Variants in SRGAP2 observed in about 807,000 individuals in gnomAD.
SRGAP2 encodes SLIT-ROBO Rho GTPase-activating protein 2.
A neutral mutation model predicts 57.2 loss-of-function variants in SRGAP2; 15 were observed. The observed-to-expected ratio is 0.26, with a 90% CI of 0.18 to 0.40. The LOEUF (loss-of-function observed/expected upper bound fraction) is 0.40, where lower values mean the gene tolerates loss of function less well. Ranked by LOEUF, SRGAP2 falls within the 10% of genes least tolerant of loss-of-function variation. The pLI is 1.00. For synonymous variants in SRGAP2, 249 were observed against 248.0 expected (o/e 1.00, Z -0.04); for missense variants, 520 against 669.6 (o/e 0.78, Z 2.47).
At chr1:206,453,402 T>G (rs1553376938) in intron 20 of SRGAP2, 22 bp downstream of exon 20, 1 of 603,002 alleles carries the variant, frequency 1.7e-6, no homozygotes, top group Non-Finnish European at 3.1e-6. Flanking sequence ...CCATGGCATC[T>G]TTGGGGGTGG....
chr1:206,452,099 C>T (rs1224673549), intron 19 of SRGAP2, among the ~76,000 whole-genome samples: 1 of 152,186 alleles, frequency 6.6e-6, no homozygotes, highest in Non-Finnish European at 1.5e-5. Flanking sequence ...ACACATACCA[C>T]TTACTATGGG....
At chr1:206,326,533 G>C (rs2102855176) in intron 3 of SRGAP2, among the ~76,000 whole-genome samples, 1 of 152,246 alleles carries the variant, frequency 6.6e-6, no homozygotes, top group South Asian at 2.1e-4. Flanking sequence ...GAGATGCTAA[G>C]GGCTTTTGAA....
chr1:206,444,546 C>G (rs1553373119), intron 17 of SRGAP2, among the ~76,000 whole-genome samples: 1 of 152,218 alleles, frequency 6.6e-6, no homozygotes, highest in African/African-American at 2.4e-5. Flanking sequence ...CCTTCCTCCT[C>G]TTTGTCCCTC....
At chr1:206,441,853 G>C (rs990627972) in intron 17 of SRGAP2, among the ~76,000 whole-genome samples, 1 of 152,096 alleles carries the variant, frequency 6.6e-6, no homozygotes, top group Admixed American at 6.5e-5. Context: ...CCAATCCTGA[G>C]GCTGAATTCA....
chr1:206,371,972 G>A (rs371441386), intron 4 of SRGAP2, among the ~76,000 whole-genome samples: 1,701 of 79,872 alleles, frequency 0.021, 70 homozygotes, highest in African/African-American at 0.096. Flanking sequence ...AGAGGTGTGT[G>A]CCACCATGCC....
At chr1:206,326,659 C>T (rs552005092) in intron 3 of SRGAP2, among the ~76,000 whole-genome samples, 1 of 152,382 alleles carries the variant, frequency 6.6e-6, no homozygotes, top group South Asian at 2.1e-4. Flanking sequence ...GCCTCAGTTT[C>T]CTCACTCAGA....
intron 4 of SRGAP2, among the ~76,000 whole-genome samples, chr1:206,364,117 AT>A (rs1553341139): frequency 6.7e-6 from 1 of 148,156 alleles, no homozygotes; most frequent in Non-Finnish European, 1.5e-5. Flanking sequence ...CGGGGCCCTG[AT>A]CTAAGGCAGT....
rs1248662966 is a variant in SRGAP2 at position 206,308,122 on chromosome 1, T to G, written c.260+4649T>G. 2.3e-4 allele frequency among the ~76,000 whole-genome samples: 28 copies of G among 119,192 alleles called. No homozygotes were observed. The East Asian group carries it at 6.9e-3, about 29-fold the overall frequency. The allele number at this position is 119,192 out of a possible 152,430, so 78.2% of individuals were successfully genotyped here. A position where few individuals can be genotyped will look rare whatever the true frequency, so the allele number is the denominator to read the frequency against. ...TGATAAAGATGGTGCTTGGCAACAT[T>G]TTTTCCTCAAATAACCAGTGAGTAT... On this transcript the variant is annotated intron_variant, in intron 3 of 22. Transcript: ENST00000573034.
chr1:206,430,744 T>G (rs1365196799), intron 14 of SRGAP2, among the ~76,000 whole-genome samples: 2 of 152,246 alleles, frequency 1.3e-5, no homozygotes, highest in Admixed American at 1.3e-4. Context: ...ATCCAACTTT[T>G]GAGAATCTGC....
At chr1:206,365,956 A>T (rs1483106527) in intron 4 of SRGAP2, among the ~76,000 whole-genome samples, 1 of 152,110 alleles carries the variant, frequency 6.6e-6, no homozygotes, top group Non-Finnish European at 1.5e-5. Flanking sequence ...AAGGACAGGC[A>T]TAGTTGTGAC....
chr1:206,426,717 T>C (rs1357444515), intron 13 of SRGAP2, among the ~76,000 whole-genome samples: 2 of 152,252 alleles, frequency 1.3e-5, no homozygotes, highest in African/African-American at 4.8e-5. Flanking sequence ...TTATGATTAG[T>C]GACATTGAGC....
intron 11 of SRGAP2, among the ~76,000 whole-genome samples, chr1:206,416,464 C>A (rs1553362005): frequency 6.6e-6 from 1 of 152,194 alleles, no homozygotes; most frequent in Non-Finnish European, 1.5e-5. Context: ...CAGTTTCCTT[C>A]TGCTTTGAAA....
intron 21 of SRGAP2, among the ~76,000 whole-genome samples, chr1:206,457,574 T>G (rs552908236): frequency 2.6e-5 from 4 of 152,206 alleles, no homozygotes; most frequent in African/African-American, 9.7e-5. Flanking sequence ...CGAGAGCGGC[T>G]GAGTCACAAG....
chr1:206,259,426 T>A (rs1571701992), intron 2 of SRGAP2, among the ~76,000 whole-genome samples: 2 of 150,900 alleles, frequency 1.3e-5, no homozygotes, highest in African/African-American at 4.9e-5. Flanking sequence ...AGCCTCGACC[T>A]TCTGGGCTCG....
At chr1:206,357,237 G>T (rs1553339513) in intron 4 of SRGAP2, among the ~76,000 whole-genome samples, 1 of 148,156 alleles carries the variant, frequency 6.7e-6, no homozygotes, top group Non-Finnish European at 1.5e-5. Context: ...CTGAGCTTCA[G>T]TTAAGGCTAT....
intron 5 of SRGAP2, among the ~76,000 whole-genome samples, chr1:206,386,140 CA>C (rs1656223561): frequency 6.6e-6 from 1 of 152,166 alleles, no homozygotes; most frequent in Admixed American, 6.5e-5. Flanking sequence ...GTGCTACTGA[CA>C]TCTAATGATC....
intron 12 of SRGAP2, among the ~76,000 whole-genome samples, chr1:206,420,645 G>A (rs980083921): frequency 6.6e-5 from 10 of 152,180 alleles, no homozygotes; most frequent in Non-Finnish European, 8.8e-5. Flanking sequence ...CTCAGAGCAG[G>A]ACAGCCCTGG....
chr1:206,414,275 G>A (rs1337188350), intron 10 of SRGAP2, among the ~76,000 whole-genome samples: 1 of 151,996 alleles, frequency 6.6e-6, no homozygotes, highest in Non-Finnish European at 1.5e-5. Flanking sequence ...GTCCTCAAGT[G>A]ATCCATCTGT....
intron 2 of SRGAP2, among the ~76,000 whole-genome samples, chr1:206,293,109 G>A (rs1180368713): frequency 6.6e-6 from 1 of 152,232 alleles, no homozygotes; most frequent in African/African-American, 2.4e-5. Flanking sequence ...CAACTCGATT[G>A]TGTTGGAGCC....
Sources: allele counts gnomAD v4.1 joint callset (sites outside exome capture counted in the v4.1 genomes callset), GRCh38; gene constraint gnomAD v4.1.1; transcripts MANE v1.5; gene names NCBI Gene and HGNC (gene_info 2026-07-23, HGNC 2026-07-21).